Variants in ANXA11 observed in about 807,000 individuals in gnomAD.
ANXA11 encodes 56 kDa autoantigen.
ANXA11 carries 57 observed loss-of-function variants against 64.7 expected under a neutral mutation model. That is an observed-to-expected ratio of 0.88 (90% CI 0.71 to 1.10). ANXA11 has a LOEUF of 1.10. ANXA11 is among the 50% of genes least tolerant of loss of function. ANXA11 has a pLI of 0.00. For missense variants in ANXA11, 675 were observed against 670.7 expected (o/e 1.01, Z -0.07); for synonymous variants, 260 against 265.2 (o/e 0.98, Z 0.19).
chr10:80,195,744 TG>T, intron 1 of ANXA11: 2 of 162,976 alleles, frequency 1.2e-5, no homozygotes, highest in Non-Finnish European at 2.6e-5. Context: ...TCCACGTGGC[TG>T]GGGAGGCCTC....
chr10:80,176,408 G>A (rs1323415796), intron 1 of ANXA11, among the ~76,000 whole-genome samples: 1 of 152,206 alleles, frequency 6.6e-6, no homozygotes, highest in Non-Finnish European at 1.5e-5. Context: ...GTTCCTGAGT[G>A]TAGACGTGCA....
intron 2 of ANXA11, among the ~76,000 whole-genome samples, chr10:80,173,797 G>A (rs944801729): frequency 6.6e-6 from 1 of 152,208 alleles, no homozygotes; most frequent in African/African-American, 2.4e-5. Context: ...TGCTCGTCTC[G>A]AGTATGTGGC....
intron 1 of ANXA11, among the ~76,000 whole-genome samples, chr10:80,198,679 T>G (rs1347940715): frequency 6.6e-6 from 1 of 152,170 alleles, no homozygotes; most frequent in African/African-American, 2.4e-5. Flanking sequence ...AGGAGCCTGG[T>G]GCCAAGACAA....
In ANXA11 at chr10:80,173,744, C is replaced by T. The variant is rs559056976; in HGVS notation, c.-8-875G>A. On this transcript the variant is annotated intron_variant, in intron 2 of 15. Coordinates refer to ENST00000422982, the MANE Select transcript of ANXA11 (RefSeq NM_145868.2). The stretch of plus-strand genomic sequence containing the variant: ...GTCTGCAGAGACACCCAATGGCAGG[C>T]GGACATGTGAGGAAACCTGCAGGGT... 7.9e-5 allele frequency among the ~76,000 whole-genome samples: 12 copies of T among 152,350 alleles called. No individual in the cohort carries two copies. The East Asian group carries it at 1.9e-3, about 24-fold the overall frequency.
At chr10:80,176,476 G>C (rs1200228382) in intron 1 of ANXA11, among the ~76,000 whole-genome samples, 1 of 152,222 alleles carries the variant, frequency 6.6e-6, no homozygotes, top group East Asian at 1.9e-4. Context: ...CTCTCGAGAG[G>C]AAAGGTGGGG....
At chr10:80,202,402 T>G (rs1010072066) in intron 1 of ANXA11, among the ~76,000 whole-genome samples, 47 of 152,302 alleles carry the variant, frequency 3.1e-4, no homozygotes, top group African/African-American at 1.1e-3. Flanking sequence ...CTATCAGGTC[T>G]TTATTTCATG....
intron 1 of ANXA11, among the ~76,000 whole-genome samples, chr10:80,202,869 AG>A: frequency 6.6e-6 from 1 of 152,050 alleles, no homozygotes; most frequent in East Asian, 1.9e-4. Flanking sequence ...AACATGGTGA[AG>A]CCCCGTCTCT....
Position 80,154,291 on chromosome 10 carries a change from G to C in ANXA11, c.*1562C>G, listed in dbSNP as rs1444448560. ...TAATTTTTGTATTTTTAGTAGAGAT[G>C]GGGTTTCACCATGTTGGCCAGGCTG... On this transcript the variant is annotated 3_prime_UTR_variant, in exon 16 of 16. Transcript: ENST00000422982. 2 of 151,960 alleles carry C rather than the reference G, an allele frequency of 1.3e-5. No individual in the cohort carries two copies. Among genetic ancestry groups the C allele is most frequent in the East Asian group, 3.9e-4 (2 of 5,166 alleles). 9.4% of individuals were successfully genotyped at this position (151,960 alleles called of 1,614,324 possible).
intron 2 of ANXA11, among the ~76,000 whole-genome samples, chr10:80,175,142 G>A (rs1412792573): frequency 6.6e-6 from 1 of 152,206 alleles, no homozygotes; most frequent in Non-Finnish European, 1.5e-5. Context: ...CTGAGGCTGG[G>A]TGGGCTGTCA....
At chr10:80,173,416 G>C (rs1442804771) in intron 2 of ANXA11, among the ~76,000 whole-genome samples, 1 of 152,192 alleles carries the variant, frequency 6.6e-6, no homozygotes, top group African/African-American at 2.4e-5. Context: ...AAGCAAAAAG[G>C]GCCCTCAGGA....
At chr10:80,169,707 CCATCA>C in intron 4 of ANXA11, among the ~76,000 whole-genome samples, 1 of 152,296 alleles carries the variant, frequency 6.6e-6, no homozygotes, top group East Asian at 1.9e-4. Flanking sequence ...GGGGGCATCC[CCATCA>C]CATCAGCCTG....
At chr10:80,156,406 T>C (rs1277088384) in intron 15 of ANXA11, 1 of 472,318 alleles carries the variant, frequency 2.1e-6, no homozygotes, top group East Asian at 6.9e-5. Flanking sequence ...GCTTGGCTCA[T>C]TTCTAATCAT....
intron 1 of ANXA11, among the ~76,000 whole-genome samples, chr10:80,186,042 A>T (rs1846523501): frequency 6.6e-6 from 1 of 152,184 alleles, no homozygotes; most frequent in Non-Finnish European, 1.5e-5. Flanking sequence ...ACAGACTCTG[A>T]AGCCAGACTA....
intron 8 of ANXA11, 106 bp downstream of exon 8, chr10:80,165,978 A>T: frequency 1.5e-6 from 1 of 674,656 alleles, no homozygotes; most frequent in Non-Finnish European, 2.5e-6. Flanking sequence ...AGAACACAGC[A>T]CGCCATCCAG....
intron 12 of ANXA11, among the ~76,000 whole-genome samples, chr10:80,159,716 T>C (rs1053729169): frequency 6.6e-6 from 1 of 152,196 alleles, no homozygotes; most frequent in African/African-American, 2.4e-5. Context: ...ACAAGTTACA[T>C]GCACCACCTG....
chr10:80,193,450 T>G (rs962932078), intron 1 of ANXA11, among the ~76,000 whole-genome samples: 1 of 152,198 alleles, frequency 6.6e-6, no homozygotes, highest in Non-Finnish European at 1.5e-5. Context: ...TTTCGTGTAT[T>G]ATTATAAAAT....
chr10:80,171,192 C>A, intron 3 of ANXA11: 1 of 1,291,836 alleles, frequency 7.7e-7, no homozygotes, highest in African/African-American at 1.5e-5. Context: ...GCTGGGAGAG[C>A]CCAGGCAGGC....
At position 80,157,724 on chromosome 10, in the gene ANXA11, C is replaced by T. The variant is rs1473153135; in HGVS notation, c.1375G>A (p.Val459Met). The change falls in exon 15 of 16, where the codon GTG (valine) becomes ATG (methionine). Residue 459 changes from valine (V) to methionine (M), a missense_variant. Val to Met is a conservative substitution (Grantham distance 21). Coordinates refer to ENST00000422982, the MANE Select transcript of ANXA11 (RefSeq NM_145868.2). The part of the protein sequence containing the change: ...TKDRTLIRIM[V>M]SRSETDLLDI... ...AGGAGGTCGGTCTCGCTGCGAGACA[C>T]CATGATGCGAATCAGGGTCCGGTCC... The T allele has an allele frequency of 5.0e-6, 8 of 1,613,970 alleles. No individual in the cohort carries two copies. Among genetic ancestry groups the T allele is most frequent in the Non-Finnish European group, 6.8e-6 (8 of 1,179,968 alleles).
chr10:80,177,337 T>A (rs1281301051), intron 1 of ANXA11, among the ~76,000 whole-genome samples: 1 of 151,948 alleles, frequency 6.6e-6, no homozygotes, highest in Non-Finnish European at 1.5e-5. Context: ...GTCTGAAGAG[T>A]GCAGGGCGGG....
Sources: gnomAD v4.1 joint callset for allele counts (sites outside exome capture counted in the v4.1 genomes callset) on GRCh38, gnomAD v4.1.1 for gene constraint, MANE v1.5 for transcripts, NCBI Gene and HGNC (gene_info 2026-07-23, HGNC 2026-07-21) for gene names.